Variants in NSG1 observed in about 807,000 individuals in gnomAD.
NSG1 encodes neuronal vesicle trafficking-associated protein 1.
Under a neutral mutation model 19.3 loss-of-function variants are expected in NSG1, and 9 were observed. The observed-to-expected ratio is 0.47, with a 90% CI of 0.28 to 0.81. The LOEUF (loss-of-function observed/expected upper bound fraction) is 0.81, where lower values mean the gene tolerates loss of function less well. Among genes scored for constraint, NSG1 ranks in the 40% least tolerant of loss-of-function variants. NSG1 has a pLI of 0.11. For missense variants in NSG1, 236 were observed against 242.4 expected (o/e 0.97, Z 0.18); for synonymous variants, 104 against 107.0 (o/e 0.97, Z 0.17).
At chr4:4,388,314 T>G (rs1400906321) in intron 2 of NSG1, among the ~76,000 whole-genome samples, 1 of 152,214 alleles carries the variant, frequency 6.6e-6, no homozygotes, top group Non-Finnish European at 1.5e-5. Flanking sequence ...TCCTTCCTCT[T>G]TGTTCCTTTT....
intron 2 of NSG1, 56 bp downstream of exon 2, chr4:4,387,814 G>C: frequency 6.8e-7 from 1 of 1,477,272 alleles, no homozygotes; most frequent in Non-Finnish European, 9.3e-7. Context: ...AATCTCGCAC[G>C]GCGGGCGCAA....
intron 4 of NSG1, among the ~76,000 whole-genome samples, chr4:4,410,134 A>G (rs1724094617): frequency 1.3e-5 from 2 of 152,210 alleles, no homozygotes; most frequent in South Asian, 4.2e-4. Context: ...AAGGCCACGC[A>G]GGGAAAGGGG....
At chr4:4,401,027 G>C (rs1036217741) in intron 3 of NSG1, among the ~76,000 whole-genome samples, 1 of 152,154 alleles carries the variant, frequency 6.6e-6, no homozygotes, top group African/African-American at 2.4e-5. Context: ...CCCTGCACCC[G>C]CTGCTCCAGT....
At chr4:4,412,005 G>GC (rs1724230715) in intron 4 of NSG1, among the ~76,000 whole-genome samples, 1 of 152,196 alleles carries the variant, frequency 6.6e-6, no homozygotes, top group African/African-American at 2.4e-5. Flanking sequence ...AGCTGACAGT[G>GC]CAGGGGGTGT....
intron 3 of NSG1, among the ~76,000 whole-genome samples, chr4:4,397,986 CTG>C (rs1211661417): frequency 6.6e-6 from 1 of 152,106 alleles, no homozygotes; most frequent in Non-Finnish European, 1.5e-5. Context: ...TGGAGTCTTG[CTG>C]TGTCACCCAG....
At chr4:4,414,619 T>C (rs555644588) in intron 4 of NSG1, among the ~76,000 whole-genome samples, 1 of 152,348 alleles carries the variant, frequency 6.6e-6, no homozygotes, top group East Asian at 1.9e-4. Flanking sequence ...TTTACACCTG[T>C]TGCTCACAGA....
At chr4:4,386,602 G>C (rs752077836), upstream of NSG1, 1 of 153,074 alleles carries the variant, frequency 6.5e-6, no homozygotes, top group Admixed American at 6.5e-5. Context: ...GCGCCTCCTG[G>C]ACCCATCCCC....
intron 3 of NSG1, 32 bp from the exon 4 acceptor site, chr4:4,409,541 G>A (rs1257327203): frequency 1.3e-6 from 2 of 1,556,964 alleles, no homozygotes; most frequent in Admixed American, 1.7e-5. Flanking sequence ...CTGCCTTCCG[G>A]CCACCCCTGA....
chr4:4,417,121 A>T, intron 4 of NSG1, 114 bp from the exon 5 acceptor site: 1 of 851,112 alleles, frequency 1.2e-6, no homozygotes, highest in Non-Finnish European at 2.0e-6. Context: ...TCATCACTGT[A>T]TCTATTCCTC....
rs765800071 is a variant in NSG1, at chr4:4,391,556, G to A, written c.211G>A (p.Val71Ile). 1.4e-4 allele frequency: 219 copies of A among 1,613,258 alleles called. 1 individual carries two copies. The highest frequency in any genetic ancestry group is 8.2e-4 in the Middle Eastern group (5 of 6,070). Residue 71 changes from valine to isoleucine, a missense_variant, in exon 3 of 5, where the codon GTC (valine) becomes ATC (isoleucine). Val to Ile is a conservative substitution (Grantham distance 29). Coordinates refer to ENST00000621129, the MANE Select transcript of NSG1 (RefSeq NM_014392.5). ...TCCTCCCCAAATTGCTGAGTTCACC[G>A]TCAGCATCACGGAGGGTGTCACCGA... ...ARPPQIAEFTVSITEGVTERF... is the reference protein window; with the variant it reads ...ARPPQIAEFTISITEGVTERF...
Position 4,387,612 on chromosome 4 carries a change from C to T in NSG1, c.-18C>T. On this transcript the variant is annotated 5_prime_UTR_variant, in exon 2 of 5. Transcript: ENST00000621129. The stretch of plus-strand genomic sequence containing the variant: ...CGGCCCTCCCGCCGCAGGCTGCAGC[C>T]TCGGAGCTCCCGGAACGATGGTGAA... 1 of 1,608,926 alleles carries T rather than the reference C, an allele frequency of 6.2e-7. No individual in the cohort carries two copies.
chr4:4,405,235 G>A (rs1053301121), intron 3 of NSG1, among the ~76,000 whole-genome samples: 3 of 152,110 alleles, frequency 2.0e-5, no homozygotes, highest in South Asian at 2.1e-4. Context: ...CCGTCCTCAC[G>A]CGGCCCTCTC....
intron 3 of NSG1, among the ~76,000 whole-genome samples, chr4:4,404,172 T>C (rs1008535839): frequency 6.6e-6 from 1 of 152,244 alleles, no homozygotes; most frequent in Admixed American, 6.5e-5. Context: ...TAGGATCACC[T>C]GGGTCCTGTT....
At chr4:4,390,011 G>T (rs1401357362) in intron 2 of NSG1, among the ~76,000 whole-genome samples, 4 of 152,210 alleles carry the variant, frequency 2.6e-5, no homozygotes, top group African/African-American at 9.7e-5. Flanking sequence ...CCTGTTAGTG[G>T]CAGGTGGGGA....
chr4:4,399,808 A>T (rs1450951954), intron 3 of NSG1, among the ~76,000 whole-genome samples: 1 of 152,230 alleles, frequency 6.6e-6, no homozygotes, highest in Non-Finnish European at 1.5e-5. Context: ...TTAGATCCTC[A>T]TAAGGAGAAC....
chr4:4,387,813 C>T (rs1021725681), intron 2 of NSG1, 55 bp downstream of exon 2: 72 of 1,478,484 alleles, frequency 4.9e-5, no homozygotes, highest in Admixed American at 5.7e-5. Context: ...AAATCTCGCA[C>T]GGCGGGCGCA....
chr4:4,402,368 G>GTTTTTTTTTT (rs1560143233), intron 3 of NSG1, among the ~76,000 whole-genome samples: 64 of 99,616 alleles, frequency 6.4e-4, no homozygotes, highest in African/African-American at 2.6e-3. Context: ...ACCACGCCTG[G>GTTTTTTTTTT]TTATTTTTTT....
At chr4:4,410,791 T>G (rs1724135350) in intron 4 of NSG1, among the ~76,000 whole-genome samples, 1 of 152,164 alleles carries the variant, frequency 6.6e-6, no homozygotes, top group Non-Finnish European at 1.5e-5. Context: ...TGGGCTACAC[T>G]CCATTCATAA....
intron 3 of NSG1, among the ~76,000 whole-genome samples, chr4:4,401,971 C>G (rs572041800): frequency 6.6e-6 from 1 of 151,924 alleles, no homozygotes; most frequent in African/African-American, 2.4e-5. Context: ...GCCTCAAACT[C>G]CCAGGCTGAA....
Sources: gnomAD v4.1 joint callset for allele counts (sites outside exome capture counted in the v4.1 genomes callset) on GRCh38, gnomAD v4.1.1 for gene constraint, MANE v1.5 for transcripts, NCBI Gene and HGNC (gene_info 2026-07-23, HGNC 2026-07-21) for gene names.